SCN2A: variants seen among roughly 807,000 people sequenced by gnomAD.
SCN2A encodes sodium channel protein type 2 subunit alpha.
SCN2A carries 20 observed loss-of-function variants against 188.7 expected under a neutral mutation model. The ratio of observed to expected loss-of-function variants is 0.11; its 90% CI spans 0.07 to 0.15. The LOEUF (loss-of-function observed/expected upper bound fraction) is 0.15. Among genes scored for constraint, SCN2A ranks in the 10% least tolerant of loss-of-function variants. SCN2A has a pLI of 1.00. For synonymous variants in SCN2A, 804 were observed against 833.1 expected (o/e 0.97, Z 0.60); for missense variants, 1,278 against 2,445.0 (o/e 0.52, Z 10.07).
At chr2:165,299,117 A>T (rs1422228823) in intron 3 of SCN2A, among the ~76,000 whole-genome samples, 1 of 152,182 alleles carries the variant, frequency 6.6e-6, no homozygotes, top group East Asian at 1.9e-4. Context: ...TGAAAAAAAA[A>T]ATCCTAGGAG....
chr2:165,328,587 T>A, intron 13 of SCN2A: 2 of 815,518 alleles, frequency 2.5e-6, no homozygotes, highest in Non-Finnish European at 3.0e-6. Flanking sequence ...AGCATTAAGT[T>A]TGAGCTAAAT....
At chr2:165,271,654 T>C (rs1695110455) in intron 1 of SCN2A, 2 of 152,172 alleles carry the variant, frequency 1.3e-5, no homozygotes, top group African/African-American at 4.8e-5. Context: ...TGTATTCCCC[T>C]GTCTGGCAAC....
At chr2:165,339,463 TTATC>T (rs1286432830) in intron 14 of SCN2A, among the ~76,000 whole-genome samples, 2 of 151,988 alleles carry the variant, frequency 1.3e-5, no homozygotes, top group Admixed American at 6.6e-5. Context: ...ATGTGGTAAA[TTATC>T]TATTTCATCA....
At position 165,373,204 on chromosome 2, in the gene SCN2A, TG is replaced by T; in HGVS notation, c.3850-20del. 1 of 1,612,150 alleles carries T rather than the reference TG, an allele frequency of 6.2e-7. No individual in the cohort carries two copies. The highest frequency in any genetic ancestry group is 8.5e-7 in the Non-Finnish European group (1 of 1,178,430). ...CATTTTTATATGTAAATAAGAAAAT[TG>T]TGTTGCTTTTTCTGTATAGGTCTCA... is the stretch of plus-strand genomic sequence containing the variant. On this transcript the variant is annotated intron_variant, in intron 20 of 26. Coordinates refer to ENST00000375437, the MANE Select transcript of SCN2A (RefSeq NM_001040142.2).
chr2:165,253,164 A>G (rs774939890), intron 1 of SCN2A, among the ~76,000 whole-genome samples: 8 of 152,030 alleles, frequency 5.3e-5, no homozygotes, highest in Non-Finnish European at 1.2e-4. Flanking sequence ...ATCTACATAA[A>G]CTGGAACAGA....
At chr2:165,325,615 C>T (rs1043756894) in intron 12 of SCN2A, among the ~76,000 whole-genome samples, 8 of 151,948 alleles carry the variant, frequency 5.3e-5, no homozygotes, top group Non-Finnish European at 7.4e-5. Context: ...ACTAGATGAT[C>T]TTCATGTGAC....
chr2:165,368,266 C>T (rs1269400423), intron 19 of SCN2A, among the ~76,000 whole-genome samples: 1 of 152,126 alleles, frequency 6.6e-6, no homozygotes, highest in Non-Finnish European at 1.5e-5. Flanking sequence ...CTCTAATGTC[C>T]AACTGTAGTC....
intron 1 of SCN2A, chr2:165,268,737 T>C (rs980864314): frequency 6.6e-6 from 1 of 151,598 alleles, no homozygotes; most frequent in African/African-American, 2.4e-5. Context: ...TATCTGTAGA[T>C]GAGGAACGGA....
Position 165,303,089 on chromosome 2 carries a change from A to G in SCN2A, c.387-4759A>G, listed in dbSNP as rs1418927841. On this transcript the variant is annotated intron_variant, in intron 3 of 26. Coordinates refer to ENST00000375437, the MANE Select transcript of SCN2A (RefSeq NM_001040142.2). Reference sequence around the variant, plus strand: ...GATACAGTGTTCTTTTGAAAAATGTACTCTATGACTTGGATTACACATTTA... The same window carrying G: ...GATACAGTGTTCTTTTGAAAAATGTGCTCTATGACTTGGATTACACATTTA... Among the ~76,000 whole-genome samples, 9 of 152,004 alleles carry G rather than the reference A, an allele frequency of 5.9e-5. No homozygotes were observed. In the East Asian group the frequency reaches 1.5e-3, roughly 26 times the overall value.
chr2:165,246,151 T>C (rs1693837266), intron 1 of SCN2A, among the ~76,000 whole-genome samples: 2 of 152,200 alleles, frequency 1.3e-5, no homozygotes, highest in Non-Finnish European at 1.5e-5. Flanking sequence ...AAATATGGAT[T>C]CAAATTATTT....
intron 22 of SCN2A, among the ~76,000 whole-genome samples, chr2:165,375,686 CT>C (rs898365472): frequency 1.1e-4 from 16 of 152,062 alleles, no homozygotes; most frequent in East Asian, 5.8e-4. Context: ...GAAACTGCTT[CT>C]TTTTGTAGAG....
chr2:165,293,035 G>A (rs184191391), intron 1 of SCN2A, among the ~76,000 whole-genome samples: 2 of 152,134 alleles, frequency 1.3e-5, no homozygotes, highest in African/African-American at 4.8e-5. Context: ...AATAAGATTG[G>A]TGTCTCACTG....
At chr2:165,297,923 A>T (rs1696594953) in intron 3 of SCN2A, among the ~76,000 whole-genome samples, 1 of 152,176 alleles carries the variant, frequency 6.6e-6, no homozygotes, top group African/African-American at 2.4e-5. Context: ...TGATTCCTTG[A>T]AATTAAATAG....
chr2:165,324,730 G>C (rs538496156), intron 12 of SCN2A, among the ~76,000 whole-genome samples: 11 of 152,274 alleles, frequency 7.2e-5, no homozygotes, highest in African/African-American at 2.4e-4. Flanking sequence ...ATTTTACAGA[G>C]GAGGAAACTG....
intron 1 of SCN2A, chr2:165,294,282 AATCCAGG>A: frequency 4.2e-6 from 1 of 237,888 alleles, no homozygotes; most frequent in Non-Finnish European, 6.8e-6. Context: ...TCTATTAGAG[AATCCAGG>A]CATGGCAGTT....
rs146622131 is a variant in SCN2A at position 165,281,600 on chromosome 2, A to G, written c.-51-14173A>G. On this transcript the variant is annotated intron_variant, in intron 1 of 26. Transcript: ENST00000375437. Reference sequence around the variant, plus strand: ...TGCAGGCCAACACAAGCCATGGCTCATACTTTGACTTTTCCTCTGAGTAAA... The same window carrying G: ...TGCAGGCCAACACAAGCCATGGCTCGTACTTTGACTTTTCCTCTGAGTAAA... Among the ~76,000 whole-genome samples, 472 of 152,280 alleles carry G rather than the reference A, an allele frequency of 3.1e-3. 2 individuals are homozygous for G. Among genetic ancestry groups the G allele is most frequent in the Middle Eastern group, 0.014 (4 of 294 alleles).
intron 7 of SCN2A, chr2:165,310,858 G>T: frequency 9.5e-6 from 2 of 210,796 alleles, no homozygotes; most frequent in Non-Finnish European, 1.9e-5. Context: ...ATTAAAAAAT[G>T]TTTATTTGGT....
At chr2:165,382,522 G>T (rs958450789) in intron 25 of SCN2A, among the ~76,000 whole-genome samples, 4 of 152,002 alleles carry the variant, frequency 2.6e-5, no homozygotes, top group African/African-American at 9.7e-5. Flanking sequence ...TGAAACACAG[G>T]AAAAGAGGGA....
chr2:165,389,641 C>T lies in SCN2A; in HGVS notation c.5835C>T (p.Ile1945=), dbSNP rs972057381. The T allele has an allele frequency of 1.9e-6, 3 of 1,613,936 alleles. No individual in the cohort carries two copies. In the African/African-American group the frequency reaches 4.0e-5, roughly 22 times the overall value. The change falls in exon 27 of 27, where the codon ATC becomes ATT. Residue 1945 remains isoleucine (I), a synonymous_variant. Coordinates refer to ENST00000375437, the MANE Select transcript of SCN2A (RefSeq NM_001040142.2). This position sits in a 1 kb window ranked among gnomAD's most constrained non-coding sequence, Gnocchi z 4.2. ...DKGKECDGTP[I]KEDTLIDKLN... is the part of the protein sequence containing the mutation. ...GCAAAGAATGTGATGGAACACCCATCAAAGAAGATACTCTCATTGATAAAC... is the reference window on the plus strand; with the variant it reads ...GCAAAGAATGTGATGGAACACCCATTAAAGAAGATACTCTCATTGATAAAC...
Sources: allele counts gnomAD v4.1 joint callset (sites outside exome capture counted in the v4.1 genomes callset), GRCh38; gene constraint gnomAD v4.1.1; non-coding constraint Gnocchi (gnomAD v3.1); transcripts MANE v1.5; gene names NCBI Gene and HGNC (gene_info 2026-07-23, HGNC 2026-07-21).